Variants in PTPRN2 observed in about 807,000 individuals in gnomAD.
PTPRN2 encodes the protein receptor-type tyrosine-protein phosphatase N2.
Under a neutral mutation model 118.8 loss-of-function variants are expected in PTPRN2, and 74 were observed. That is an observed-to-expected ratio of 0.62 (90% CI 0.52 to 0.76). PTPRN2 has a LOEUF of 0.76. Ranked by LOEUF, PTPRN2 falls within the 30% of genes least tolerant of loss-of-function variation. The pLI is 0.00. For missense variants in PTPRN2, 1,481 were observed against 1,394.4 expected, an observed-to-expected ratio of 1.06 and a Z score of -0.99; for synonymous variants, 641 against 608.0, an observed-to-expected ratio of 1.05 and a Z score of -0.80.
chr7:158,271,514 G>T (rs1456559357), intron 3 of PTPRN2, among the ~76,000 whole-genome samples: 2 of 152,246 alleles, frequency 1.3e-5, no homozygotes, highest in Non-Finnish European at 2.9e-5. Context: ...ACATGCACGG[G>T]ACGGGGGCAA....
At position 157,974,538 on chromosome 7, in the gene PTPRN2, G is replaced by C. The variant is rs1033041396; in HGVS notation, c.1724-75801C>G. Among the ~76,000 whole-genome samples, 1 of 152,142 alleles carries C rather than the reference G, an allele frequency of 6.6e-6. No homozygotes were observed. Among genetic ancestry groups the C allele is most frequent in the Non-Finnish European group, 1.5e-5 (1 of 68,022 alleles). Reference sequence around the variant, plus strand: ...GTCCTGCCATGGGACGATGTGACTGGGGGCTCGTCCATGCCTTGTCGTGGA... The same window carrying C: ...GTCCTGCCATGGGACGATGTGACTGCGGGCTCGTCCATGCCTTGTCGTGGA... On this transcript the variant is annotated intron_variant, in intron 11 of 22. Transcript: ENST00000389418. The surrounding 1 kb of genome is among the most constrained non-coding windows in gnomAD (Gnocchi z 4.0).
At chr7:157,999,699 C>T (rs978329860) in intron 11 of PTPRN2, among the ~76,000 whole-genome samples, 8 of 152,230 alleles carry the variant, frequency 5.3e-5, no homozygotes, top group East Asian at 1.9e-4. Context: ...CACCTGATAA[C>T]GAGTTCCGTA....
At chr7:158,234,387 G>A (rs1177889406) in intron 3 of PTPRN2, among the ~76,000 whole-genome samples, 1 of 151,078 alleles carries the variant, frequency 6.6e-6, no homozygotes, top group Non-Finnish European at 1.5e-5. Flanking sequence ...CATACAAATG[G>A]CAAACAGATA....
intron 12 of PTPRN2, among the ~76,000 whole-genome samples, chr7:157,750,131 G>A (rs73165821): frequency 0.054 from 8,141 of 152,094 alleles, 252 homozygotes; most frequent in South Asian, 0.1. Flanking sequence ...AACATAGCAC[G>A]TGGTCCTGAT....
At position 157,611,720 on chromosome 7, in the gene PTPRN2, G is replaced by T. The variant is rs1336347136; in HGVS notation, c.2345-7645C>A. 1.3e-5 allele frequency among the ~76,000 whole-genome samples: 2 copies of T among 151,026 alleles called. No individual in the cohort carries two copies. On this transcript the variant is annotated intron_variant, in intron 15 of 22. Coordinates refer to ENST00000389418, the MANE Select transcript of PTPRN2 (RefSeq NM_002847.5). This position sits in a 1 kb window ranked among gnomAD's most constrained non-coding sequence, Gnocchi z 5.9. Reference sequence around the variant, plus strand: ...CCGTGTGAAGACGAAGACAGCCGCGGTCATGCTGGGGACACGCGGAGGGAG... The same window carrying T: ...CCGTGTGAAGACGAAGACAGCCGCGTTCATGCTGGGGACACGCGGAGGGAG...
At chr7:157,663,409 T>C (rs1275091629) in intron 13 of PTPRN2, among the ~76,000 whole-genome samples, 1 of 152,154 alleles carries the variant, frequency 6.6e-6, no homozygotes, top group African/African-American at 2.4e-5. Flanking sequence ...GAAAGCCACA[T>C]CTATCTACTG....
chr7:157,789,709 G>A (rs1804314269), intron 12 of PTPRN2, among the ~76,000 whole-genome samples: 1 of 151,058 alleles, frequency 6.6e-6, no homozygotes, highest in East Asian at 2.0e-4. Context: ...TGTGTGGTGT[G>A]TGTGGTATGG....
At chr7:157,979,755 A>G (rs1330034865) in intron 11 of PTPRN2, among the ~76,000 whole-genome samples, 1 of 152,164 alleles carries the variant, frequency 6.6e-6, no homozygotes. Flanking sequence ...CCTTGGAGGT[A>G]TGGGCTGGAC....
chr7:158,491,122 C>T (rs184084833), intron 1 of PTPRN2, among the ~76,000 whole-genome samples: 27 of 152,354 alleles, frequency 1.8e-4, no homozygotes, highest in African/African-American at 5.8e-4. Flanking sequence ...TTGCCTTAAA[C>T]CAGCACGTGC....
chr7:157,908,071 G>A (rs1797877036), intron 11 of PTPRN2, among the ~76,000 whole-genome samples: 1 of 152,230 alleles, frequency 6.6e-6, no homozygotes, highest in Non-Finnish European at 1.5e-5. Flanking sequence ...GCCTGGTGAG[G>A]CTGCAGGTTC....
At chr7:158,387,551 G>A (rs2151368461) in intron 2 of PTPRN2, among the ~76,000 whole-genome samples, 1 of 152,308 alleles carries the variant, frequency 6.6e-6, no homozygotes, top group Non-Finnish European at 1.5e-5. Context: ...CTGGACTCCA[G>A]GGGGCTGCGG....
chr7:157,680,300 T>A (rs1240665161), intron 13 of PTPRN2, among the ~76,000 whole-genome samples: 1 of 152,232 alleles, frequency 6.6e-6, no homozygotes, highest in East Asian at 1.9e-4. Flanking sequence ...GTACACAGGT[T>A]CAGTGAGCCA....
chr7:158,219,802 C>T (rs1828218009), intron 3 of PTPRN2, among the ~76,000 whole-genome samples: 1 of 151,758 alleles, frequency 6.6e-6, no homozygotes, highest in Non-Finnish European at 1.5e-5. Flanking sequence ...CAGAAACATA[C>T]AACCTTGCAA....
intron 12 of PTPRN2, among the ~76,000 whole-genome samples, chr7:157,727,922 C>T (rs1418769227): frequency 6.6e-6 from 1 of 152,212 alleles, no homozygotes; most frequent in Non-Finnish European, 1.5e-5. Context: ...AGAAACCCAC[C>T]CTCCATCCTT....
chr7:157,541,131 G>A (rs1797994069), intron 22 of PTPRN2, among the ~76,000 whole-genome samples: 1 of 152,200 alleles, frequency 6.6e-6, no homozygotes, highest in South Asian at 2.1e-4. Flanking sequence ...CTGACCCTAC[G>A]ACTCCACGAT....
chr7:157,810,773 G>A (rs1370511692), intron 12 of PTPRN2, among the ~76,000 whole-genome samples: 1 of 150,158 alleles, frequency 6.7e-6, no homozygotes, highest in Non-Finnish European at 1.5e-5. Context: ...GCTGGGCACA[G>A]GCTCTCCACA....
intron 5 of PTPRN2, among the ~76,000 whole-genome samples, chr7:158,188,710 CT>C (rs1825497398): frequency 6.7e-6 from 1 of 150,344 alleles, no homozygotes; most frequent in African/African-American, 2.4e-5. Context: ...CGCCCGCCCC[CT>C]GTAGGGGGAA....
rs948464431 is a variant in PTPRN2 at position 157,540,131 on chromosome 7, G to T, written c.*583C>A. 6.6e-6 allele frequency: 1 copy of T among 152,292 alleles called. No homozygotes were observed. The highest frequency in any genetic ancestry group is 2.4e-5 in the African/African-American group (1 of 41,430). 9.4% of individuals were successfully genotyped at this position (152,292 alleles called of 1,614,324 possible). A position where few individuals can be genotyped will look rare whatever the true frequency, so the allele number is the denominator to read the frequency against. The stretch of plus-strand genomic sequence containing the variant: ...GCTGACAGGTGTGGCTGACGGGGCC[G>T]TCCATGGTACCCGGCGCAGTGTTGA... On this transcript the variant is annotated 3_prime_UTR_variant, in exon 23 of 23. Coordinates refer to ENST00000389418, the MANE Select transcript of PTPRN2 (RefSeq NM_002847.5).
At chr7:158,244,151 C>A (rs1796053120) in intron 3 of PTPRN2, among the ~76,000 whole-genome samples, 1 of 152,190 alleles carries the variant, frequency 6.6e-6, no homozygotes, top group South Asian at 2.1e-4. Flanking sequence ...TGCCTCCTTC[C>A]CCCAGGACTT....
Sources: gnomAD v4.1 joint callset for allele counts (sites outside exome capture counted in the v4.1 genomes callset) on GRCh38, gnomAD v4.1.1 for gene constraint, Gnocchi (gnomAD v3.1) non-coding constraint, MANE v1.5 for transcripts, NCBI Gene and HGNC (gene_info 2026-07-23, HGNC 2026-07-21) for gene names.